Variants in POU2F2 observed in about 807,000 individuals in gnomAD.
The protein encoded by POU2F2 is POU domain, class 2, transcription factor 2.
Under a neutral mutation model 63.5 loss-of-function variants are expected in POU2F2, and 14 were observed. That is an observed-to-expected ratio of 0.22 (90% CI 0.15 to 0.34). The LOEUF is 0.34. Ranked by LOEUF, POU2F2 falls within the 10% of genes least tolerant of loss-of-function variation. The probability of loss-of-function intolerance (pLI) is 1.00; values close to 1 mark genes in which losing one functional copy is unlikely to be tolerated. For missense variants in POU2F2, 607 were observed against 815.2 expected, an observed-to-expected ratio of 0.74 and a Z score of 3.11; for synonymous variants, 306 against 348.6, an observed-to-expected ratio of 0.88 and a Z score of 1.36.
chr19:42,119,124 TA>T (rs199624255), intron 4 of POU2F2, among the ~76,000 whole-genome samples: 30 of 141,852 alleles, frequency 2.1e-4, no homozygotes, highest in Admixed American at 2.8e-4. Context: ...CACCGTCTCT[TA>T]AAAAAAAAAG....
chr19:42,115,156 A>G (rs997735371), intron 5 of POU2F2, among the ~76,000 whole-genome samples: 1 of 152,104 alleles, frequency 6.6e-6, no homozygotes, highest in African/African-American at 2.4e-5. Context: ...TCTCAAAAAA[A>G]AAAGGCTACA....
At chr19:42,164,777 C>T (rs1250904893) in intron 1 of POU2F2, among the ~76,000 whole-genome samples, 1 of 151,772 alleles carries the variant, frequency 6.6e-6, no homozygotes, top group Non-Finnish European at 1.5e-5. Flanking sequence ...GCCTGGGCAA[C>T]ATAGCAAGAC....
In POU2F2 at chr19:42,091,111, T is replaced by G; in HGVS notation, c.*146A>C. The G allele has an allele frequency of 3.6e-6, 2 of 548,656 alleles. No homozygotes were observed. The highest frequency in any genetic ancestry group is 5.6e-6 in the Non-Finnish European group (2 of 355,406). The allele number at this position is 548,656 out of a possible 1,614,324, so 34.0% of individuals were successfully genotyped here. A position where few individuals can be genotyped will look rare whatever the true frequency, so the allele number is the denominator to read the frequency against. On this transcript the variant is annotated 3_prime_UTR_variant, in exon 15 of 15. Coordinates refer to ENST00000692977, the MANE Select transcript of POU2F2 (RefSeq NM_001394376.1). ...TTTCTTTCCTTTTTTTTTTTTTTTTTGGTTGGTTGTTTTTTTGGTCTTTCC... is the reference window on the plus strand; with the variant it reads ...TTTCTTTCCTTTTTTTTTTTTTTTTGGGTTGGTTGTTTTTTTGGTCTTTCC...
chr19:42,143,142 C>A (rs948513203), intron 2 of POU2F2, among the ~76,000 whole-genome samples: 5 of 152,042 alleles, frequency 3.3e-5, no homozygotes, highest in African/African-American at 1.2e-4. Flanking sequence ...GAGGCTGGGT[C>A]ACTTGAGGCC....
Position 42,092,055 on chromosome 19 carries a change from G to T in POU2F2, c.1466+14C>A. 6.3e-7 allele frequency: 1 copy of T among 1,591,382 alleles called. No homozygotes were observed. Among genetic ancestry groups the T allele is most frequent in the Non-Finnish European group, 8.5e-7 (1 of 1,170,272 alleles). On this transcript the variant is annotated intron_variant, in intron 13 of 14. Coordinates refer to ENST00000692977, the MANE Select transcript of POU2F2 (RefSeq NM_001394376.1). This position sits in a 1 kb window ranked among gnomAD's most constrained non-coding sequence, Gnocchi z 5.0. ...CCTGCTTCTCCCCACAGCTTCCCAC[G>T]TGCACCCACTTACCCCGTGCTGGGG...
chr19:42,132,706 T>G, upstream of POU2F2: 1 of 368,308 alleles, frequency 2.7e-6, no homozygotes, highest in Non-Finnish European at 4.9e-6. Flanking sequence ...CCGACTTCTG[T>G]CGCCCCCATG....
At chr19:42,175,834 CCT>C (rs2034863471) in intron 1 of POU2F2, 1 of 152,454 alleles carries the variant, frequency 6.6e-6, no homozygotes, top group African/African-American at 2.4e-5. Context: ...GATGCCACCG[CCT>C]CTGAGTGCCC....
upstream of POU2F2, among the ~76,000 whole-genome samples, chr19:42,179,242 G>A (rs573468383): frequency 1.4e-4 from 21 of 152,164 alleles, no homozygotes; most frequent in Admixed American, 7.2e-4. Flanking sequence ...GCAGAAAGGA[G>A]AGGAGTGGGG....
intron 6 of POU2F2, 30 bp downstream of exon 6, chr19:42,099,686 C>A: frequency 6.2e-7 from 1 of 1,601,036 alleles, no homozygotes; most frequent in South Asian, 1.1e-5. Context: ...GTGGAGGCGT[C>A]AGGGAGGCCA....
rs569054672 is a variant in POU2F2 at position 42,154,669 on chromosome 19, T to G, written c.-9+5663A>C. Among the ~76,000 whole-genome samples the G allele has an allele frequency of 3.3e-5, 5 of 151,854 alleles. No individual in the cohort carries two copies. In the South Asian group the frequency reaches 1.0e-3, roughly 32 times the overall value. On this transcript the variant is annotated intron_variant, in intron 2 of 6. Transcript: ENST00000524801. ...AGAGAGATAAAAGGCAGACGGCAGA[T>G]AGTGGTGGAGGGGAGTTGGTAACCC...
At chr19:42,132,198 G>A (rs1215647114) in intron 1 of POU2F2, among the ~76,000 whole-genome samples, 186 bp downstream of exon 1, 1 of 152,228 alleles carries the variant, frequency 6.6e-6, no homozygotes, top group Non-Finnish European at 1.5e-5. Flanking sequence ...GCCTGATGTG[G>A]AAAGAGAGGG....
In POU2F2 at chr19:42,096,831, C is replaced by T. The variant is rs988460606; in HGVS notation, c.568-588G>A. ...GTCAATGTAGGTTCATCACCTGTTA[C>T]GCTTGTACCACTCTGGTTGGGGATG... On this transcript the variant is annotated intron_variant, in intron 7 of 14. Transcript: ENST00000692977. The surrounding 1 kb of genome is among the most constrained non-coding windows in gnomAD (Gnocchi z 4.1). Among the ~76,000 whole-genome samples, 3 of 152,160 alleles carry T rather than the reference C, an allele frequency of 2.0e-5. No homozygotes were observed. Among genetic ancestry groups the T allele is most frequent in the Admixed American group, 6.5e-5 (1 of 15,268 alleles).
At chr19:42,129,730 A>G (rs1260632887) in intron 1 of POU2F2, among the ~76,000 whole-genome samples, 1 of 152,092 alleles carries the variant, frequency 6.6e-6, no homozygotes, top group African/African-American at 2.4e-5. Flanking sequence ...CCTCCCCAGA[A>G]GCAGCACCTC....
At chr19:42,171,985 C>T (rs1442243714) in intron 1 of POU2F2, among the ~76,000 whole-genome samples, 1 of 152,148 alleles carries the variant, frequency 6.6e-6, no homozygotes, top group Non-Finnish European at 1.5e-5. Flanking sequence ...CATAATAGCT[C>T]CCCGCTGCCA....
chr19:42,144,188 T>C (rs1158226146), intron 2 of POU2F2, among the ~76,000 whole-genome samples: 1 of 152,256 alleles, frequency 6.6e-6, no homozygotes, highest in African/African-American at 2.4e-5. Context: ...AATGAGTTAA[T>C]GTGAACCCAC....
chr19:42,140,823 G>T (rs1442910537), intron 2 of POU2F2, among the ~76,000 whole-genome samples: 1 of 152,144 alleles, frequency 6.6e-6, no homozygotes, highest in Non-Finnish European at 1.5e-5. Context: ...AACCTTACTT[G>T]TTGAATGAAT....
intron 4 of POU2F2, among the ~76,000 whole-genome samples, chr19:42,119,806 G>A (rs2032376194): frequency 6.6e-6 from 1 of 152,220 alleles, no homozygotes; most frequent in Admixed American, 6.5e-5. Flanking sequence ...ATGCCATGGT[G>A]AGCACACTAT....
chr19:42,174,565 C>T (rs2034835550), intron 1 of POU2F2, among the ~76,000 whole-genome samples: 1 of 152,018 alleles, frequency 6.6e-6, no homozygotes, highest in Admixed American at 6.5e-5. Flanking sequence ...ACCCCCAGTA[C>T]CCAACCCCCC....
At chr19:42,148,642 C>T (rs2034280222) in intron 2 of POU2F2, among the ~76,000 whole-genome samples, 1 of 152,110 alleles carries the variant, frequency 6.6e-6, no homozygotes, top group African/African-American at 2.4e-5. Context: ...CAAATGCCCC[C>T]ATCTGTCAAC....
Sources: gnomAD v4.1 joint callset for allele counts (sites outside exome capture counted in the v4.1 genomes callset) on GRCh38, gnomAD v4.1.1 for gene constraint, Gnocchi (gnomAD v3.1) non-coding constraint, MANE v1.5 for transcripts, NCBI Gene and HGNC (gene_info 2026-07-23, HGNC 2026-07-21) for gene names.